Variants in MCTP2 observed in about 807,000 individuals in gnomAD.
MCTP2 encodes multiple C2 and transmembrane domain containing 2.
Under a neutral mutation model 111.6 loss-of-function variants are expected in MCTP2, and 132 were observed. The ratio of observed to expected loss-of-function variants is 1.18; its 90% CI spans 1.03 to 1.37. The LOEUF is 1.37. Among genes scored for constraint, MCTP2 ranks in the 40% most tolerant of loss-of-function variants. MCTP2 has a pLI of 0.00. For synonymous variants in MCTP2, 395 were observed against 387.7 expected (o/e 1.02, Z -0.22); for missense variants, 1,183 against 1,067.9 (o/e 1.11, Z -1.50).
At position 94,458,320 on chromosome 15, in the gene MCTP2, G is replaced by C. The variant is rs530297599; in HGVS notation, c.2360+74G>C. 3.3e-6 allele frequency: 3 copies of C among 900,774 alleles called. No individual in the cohort carries two copies. In the South Asian group the frequency reaches 4.0e-5, roughly 12 times the overall value. 55.8% of individuals were successfully genotyped at this position (900,774 alleles called of 1,614,324 possible). ...CAAGGACAGTGGGGTAATGGCAGTG[G>C]TGTGCGACAAAGGGAGGCAAGAAAA... On this transcript the variant is annotated intron_variant, in intron 20 of 22. Transcript: ENST00000357742.
At chr15:94,403,299 C>A (rs1447765497) in intron 17 of MCTP2, 1 of 958,542 alleles carries the variant, frequency 1.0e-6, no homozygotes, top group Non-Finnish European at 1.2e-6. Context: ...TTATCCACTT[C>A]CCTTTCTCAC....
At chr15:94,402,182 C>G in intron 17 of MCTP2, 163 bp downstream of exon 17, 2 of 862,442 alleles carry the variant, frequency 2.3e-6, no homozygotes, top group Non-Finnish European at 1.4e-6. Context: ...AAATCTTAGT[C>G]ATATATGGTC....
At chr15:94,402,340 A>G (rs140091081) in intron 17 of MCTP2, 72 of 1,443,314 alleles carry the variant, frequency 5.0e-5, no homozygotes, top group Non-Finnish European at 6.4e-5. Flanking sequence ...GAAAAATGGC[A>G]TCTGAAAAAT....
Position 94,340,211 on chromosome 15 carries a change from G to A in MCTP2, c.793G>A (p.Asp265Asn). ...QKLRVKVYDRDLTTSDFMGSA... is the reference protein window; with the variant it reads ...QKLRVKVYDRNLTTSDFMGSA... ...GTCCTCTTTGTAGGTATATGATCGAGATTTAACCACATCTGATTTCATGGG... is the reference window on the plus strand; with the variant it reads ...GTCCTCTTTGTAGGTATATGATCGAAATTTAACCACATCTGATTTCATGGG... The change falls in exon 6 of 23, where the codon GAT becomes AAT. Residue 265 changes from aspartate (D) to asparagine (N), a missense_variant. Asp to Asn is a conservative substitution (Grantham distance 23). Transcript: ENST00000357742. 1 of 1,612,340 alleles carries A rather than the reference G, an allele frequency of 6.2e-7. No homozygotes were observed. The highest frequency in any genetic ancestry group is 8.5e-7 in the Non-Finnish European group (1 of 1,178,640).
intron 17 of MCTP2, among the ~76,000 whole-genome samples, chr15:94,426,213 C>T (rs950478419): frequency 6.6e-6 from 1 of 151,390 alleles, no homozygotes; most frequent in African/African-American, 2.4e-5. Flanking sequence ...ATTTGGCATT[C>T]CTTAACTTTA....
chr15:94,461,836 G>C (rs1567758207), intron 20 of MCTP2, among the ~76,000 whole-genome samples: 1 of 152,124 alleles, frequency 6.6e-6, no homozygotes, highest in Non-Finnish European at 1.5e-5. Flanking sequence ...TTGGAATCCA[G>C]GTTAAATAGG....
intron 19 of MCTP2, among the ~76,000 whole-genome samples, chr15:94,444,232 AGGGCAACGGATG>A (rs1223714612): frequency 1.3e-5 from 2 of 152,248 alleles, no homozygotes; most frequent in African/African-American, 4.8e-5. Flanking sequence ...AGAAATGCAC[AGGGCAACGGATG>A]GGGGAATGGG....
chr15:94,248,760 CA>C (rs1055319706), intron 1 of MCTP2, among the ~76,000 whole-genome samples: 8 of 152,172 alleles, frequency 5.3e-5, no homozygotes, highest in African/African-American at 1.9e-4. Context: ...CCAAAACAGA[CA>C]GTGAGGCTTT....
At chr15:94,268,396 G>A (rs1401421024) in intron 1 of MCTP2, among the ~76,000 whole-genome samples, 1 of 148,742 alleles carries the variant, frequency 6.7e-6, no homozygotes, top group African/African-American at 2.5e-5. Context: ...TCACCACGTT[G>A]GCCAGGTTTA....
chr15:94,427,613 C>G (rs2082956695), intron 17 of MCTP2, among the ~76,000 whole-genome samples: 1 of 152,090 alleles, frequency 6.6e-6, no homozygotes, highest in Non-Finnish European at 1.5e-5. Context: ...CCTGCCAGGC[C>G]CCTCCCCCGA....
chr15:94,292,946 A>G (rs983482474), intron 1 of MCTP2: 2 of 152,218 alleles, frequency 1.3e-5, no homozygotes, highest in Non-Finnish European at 2.9e-5. Flanking sequence ...ATTTTTGATG[A>G]AAGTACAAGA....
intron 1 of MCTP2, among the ~76,000 whole-genome samples, chr15:94,293,182 A>G (rs2075106970): frequency 6.6e-6 from 1 of 152,156 alleles, no homozygotes; most frequent in Admixed American, 6.5e-5. Flanking sequence ...AAAAGTATAT[A>G]ACATAAAATT....
intron 19 of MCTP2, among the ~76,000 whole-genome samples, 157 bp from the exon 20 acceptor site, chr15:94,457,980 G>T (rs895208954): frequency 2.1e-5 from 3 of 140,194 alleles, no homozygotes; most frequent in Non-Finnish European, 4.4e-5. Context: ...AGATTTTTCT[G>T]GGGGGGGAGT....
At chr15:94,427,483 G>T (rs2082950143) in intron 17 of MCTP2, among the ~76,000 whole-genome samples, 1 of 152,118 alleles carries the variant, frequency 6.6e-6, no homozygotes, top group Admixed American at 6.6e-5. Flanking sequence ...GGTGGGGCTG[G>T]AGGGAGACAG....
chr15:94,407,747 C>T (rs1461344441), intron 17 of MCTP2, among the ~76,000 whole-genome samples: 3 of 148,766 alleles, frequency 2.0e-5, no homozygotes, highest in African/African-American at 7.4e-5. Flanking sequence ...AGTAATAGAG[C>T]CAACCCTTCC....
intron 4 of MCTP2, among the ~76,000 whole-genome samples, chr15:94,338,452 C>G (rs1266310568): frequency 1.3e-5 from 2 of 151,154 alleles, no homozygotes; most frequent in African/African-American, 2.4e-5. Flanking sequence ...ATGTAACACA[C>G]GCACAATACA....
intron 20 of MCTP2, among the ~76,000 whole-genome samples, chr15:94,460,774 C>G (rs1596798016): frequency 6.6e-6 from 1 of 152,194 alleles, no homozygotes; most frequent in East Asian, 1.9e-4. Flanking sequence ...GAACAGAGTA[C>G]TGTTCTGCCC....
At chr15:94,251,188 G>C (rs2072393477) in intron 1 of MCTP2, among the ~76,000 whole-genome samples, 1 of 152,136 alleles carries the variant, frequency 6.6e-6, no homozygotes, top group South Asian at 2.1e-4. Context: ...ATGGTCACCT[G>C]GGATTTTGAC....
chr15:94,449,991 C>G (rs1484382161), intron 19 of MCTP2, among the ~76,000 whole-genome samples: 1 of 151,968 alleles, frequency 6.6e-6, no homozygotes, highest in African/African-American at 2.4e-5. Context: ...ATATTTTTTT[C>G]CCTAATCTGT....
Sources: gnomAD v4.1 joint callset for allele counts (sites outside exome capture counted in the v4.1 genomes callset) on GRCh38, gnomAD v4.1.1 for gene constraint, MANE v1.5 for transcripts, NCBI Gene and HGNC (gene_info 2026-07-23, HGNC 2026-07-21) for gene names.